Variants in STRBP observed in about 807,000 individuals in gnomAD.
STRBP encodes the protein spermatid perinuclear RNA binding protein.
A neutral mutation model predicts 80.1 loss-of-function variants in STRBP; 13 were observed. The observed-to-expected ratio is 0.16, with a 90% CI of 0.11 to 0.26. The LOEUF (loss-of-function observed/expected upper bound fraction) is 0.26, where lower values mean the gene tolerates loss of function less well. Among genes scored for constraint, STRBP ranks in the 10% least tolerant of loss-of-function variants. The probability of loss-of-function intolerance (pLI) is 1.00; values close to 1 mark genes in which losing one functional copy is unlikely to be tolerated. For missense variants in STRBP, 485 were observed against 815.2 expected, an observed-to-expected ratio of 0.59 and a Z score of 4.93; for synonymous variants, 284 against 291.2, an observed-to-expected ratio of 0.98 and a Z score of 0.25.
At chr9:123,237,181 C>T (rs1420317918) in intron 1 of STRBP, among the ~76,000 whole-genome samples, 2 of 152,170 alleles carry the variant, frequency 1.3e-5, no homozygotes, top group Admixed American at 6.5e-5. Flanking sequence ...TGTAATAATA[C>T]TTTGCAAACC....
chr9:123,111,636 C>T (rs1041465725), intron 3 of STRBP: 24 of 477,270 alleles, frequency 5.0e-5, no homozygotes, highest in African/African-American at 9.8e-5. Context: ...AGCCACAGCA[C>T]GTGACTTGCT....
In STRBP at chr9:123,136,756, C is replaced by A. The variant is rs1724521237; in HGVS notation, c.1498-241G>T. On this transcript the variant is annotated intron_variant, in intron 14 of 18. Coordinates refer to ENST00000348403, the MANE Select transcript of STRBP (RefSeq NM_018387.5). The surrounding 1 kb of genome is among the most constrained non-coding windows in gnomAD (Gnocchi z 4.2). ...CTTCGAAGCAGTATTCAAGACCAAT[C>A]AATGCAACCTCACCACTGTGGGCCA... 6.6e-6 allele frequency among the ~76,000 whole-genome samples: 1 copy of A among 152,162 alleles called. No homozygotes were observed. Among genetic ancestry groups the A allele is most frequent in the Non-Finnish European group, 1.5e-5 (1 of 68,036 alleles).
intron 1 of STRBP, among the ~76,000 whole-genome samples, chr9:123,248,129 TTTCTA>T (rs2040835663): frequency 6.6e-6 from 1 of 152,180 alleles, no homozygotes; most frequent in African/African-American, 2.4e-5. Flanking sequence ...TATCTGAGTA[TTTCTA>T]TTCTATTCTA....
intron 1 of STRBP, among the ~76,000 whole-genome samples, chr9:123,264,814 C>G (rs898395916): frequency 6.6e-6 from 1 of 152,064 alleles, no homozygotes; most frequent in South Asian, 2.1e-4. Context: ...ACATATAATC[C>G]GAACACTATA....
chr9:123,119,434 C>T (rs1023607637), downstream of STRBP, among the ~76,000 whole-genome samples: 1 of 136,040 alleles, frequency 7.4e-6, no homozygotes, highest in Non-Finnish European at 1.5e-5. Context: ...TGGCAGCAGA[C>T]TGGCTGGTAA....
At chr9:123,166,299 A>G (rs1469986302) in intron 6 of STRBP, among the ~76,000 whole-genome samples, 3 of 152,332 alleles carry the variant, frequency 2.0e-5, no homozygotes, top group Non-Finnish European at 2.9e-5. Flanking sequence ...GGTGCATTCA[A>G]TAAGTTGACT....
chr9:123,268,263 G>A (rs1479819581), intron 1 of STRBP, among the ~76,000 whole-genome samples, 173 bp downstream of exon 1: 5 of 151,022 alleles, frequency 3.3e-5, no homozygotes, highest in Non-Finnish European at 5.9e-5. Flanking sequence ...CGCGGGGCCG[G>A]GATTGCTCCC....
chr9:123,209,338 TC>T (rs2039630482), intron 2 of STRBP, among the ~76,000 whole-genome samples: 1 of 152,180 alleles, frequency 6.6e-6, no homozygotes, highest in African/African-American at 2.4e-5. Flanking sequence ...TTACTAAGCA[TC>T]TACAAATACC....
chr9:123,182,216 TTAAAAAAAAAAAAA>T (rs2038501171), intron 3 of STRBP, among the ~76,000 whole-genome samples: 1 of 94,564 alleles, frequency 1.1e-5, no homozygotes, highest in African/African-American at 4.4e-5. Flanking sequence ...CTCCGTTTCT[TTAAAAAAAAAAAAA>T]AAAAAAAAAA....
intron 1 of STRBP, among the ~76,000 whole-genome samples, chr9:123,267,983 C>A (rs2041312278): frequency 6.6e-6 from 1 of 151,656 alleles, no homozygotes; most frequent in Non-Finnish European, 1.5e-5. Context: ...CCCTCTGCAC[C>A]CCTATTTACC....
rs16926195 is a variant in STRBP at position 123,133,206 on chromosome 9, T to C, written c.1774-238A>G. ...TTGCTTGAGGGTTATCCAGAAAGAG[T>C]TCATTTTCTACACCAAATTTCAGTA... On this transcript the variant is annotated intron_variant, in intron 16 of 18. Transcript: ENST00000348403. 8.4e-4 allele frequency among the ~76,000 whole-genome samples: 128 copies of C among 152,182 alleles called. No individual in the cohort carries two copies. The East Asian group carries it at 0.018, about 22-fold the overall frequency.
intron 2 of STRBP, among the ~76,000 whole-genome samples, chr9:123,224,983 G>T (rs1029498055): frequency 4.6e-5 from 7 of 152,278 alleles, no homozygotes; most frequent in Admixed American, 4.6e-4. Context: ...TAGTACAATG[G>T]ATAGTGTTAT....
intron 6 of STRBP, among the ~76,000 whole-genome samples, chr9:123,166,026 T>G (rs976179102): frequency 3.3e-5 from 5 of 152,224 alleles, no homozygotes; most frequent in Non-Finnish European, 7.3e-5. Context: ...GTTAATTCAC[T>G]TAACAGATTT....
chr9:123,204,459 C>T (rs1259904794), intron 2 of STRBP, among the ~76,000 whole-genome samples: 2 of 152,104 alleles, frequency 1.3e-5, no homozygotes, highest in African/African-American at 2.4e-5. Flanking sequence ...CTTTAAACCA[C>T]GATCAAACAT....
Position 123,241,623 on chromosome 9 carries a change from GA to G in STRBP, c.-301-4658del, listed in dbSNP as rs893295928. On this transcript the variant is annotated intron_variant, in intron 1 of 18. Transcript: ENST00000348403. ...ATAATCATCCAACCAAGTTTTAAAA[GA>G]AAAAAAAAAATCTAGGCATTATCTT... 3.4e-3 allele frequency among the ~76,000 whole-genome samples: 488 copies of G among 144,252 alleles called. 4 individuals are homozygous for G. Among genetic ancestry groups the G allele is most frequent in the African/African-American group, 0.011 (454 of 39,486 alleles). The allele number at this position is 144,252 out of a possible 152,430, so 94.6% of individuals were successfully genotyped here.
Position 123,115,622 on chromosome 9 carries a change from A to G in STRBP, c.*84+307T>C. ...GGTAAGAAGCAGTAGGTGACAGTGA[A>G]TGGTTTTTCTCAATAAATCTACGTG... On this transcript the variant is annotated intron_variant and NMD_transcript_variant, in intron 3 of 3. Coordinates refer to the STRBP transcript ENST00000471564. The surrounding 1 kb of genome is among the most constrained non-coding windows in gnomAD (Gnocchi z 5.0). 2 of 340,814 alleles carry G rather than the reference A, an allele frequency of 5.9e-6. No homozygotes were observed. Among genetic ancestry groups the G allele is most frequent in the Non-Finnish European group, 1.2e-5 (2 of 172,764 alleles). The allele number at this position is 340,814 out of a possible 1,614,324, so 21.1% of individuals were successfully genotyped here.
At chr9:123,227,904 C>G (rs1402161492) in intron 2 of STRBP, among the ~76,000 whole-genome samples, 1 of 152,138 alleles carries the variant, frequency 6.6e-6, no homozygotes, top group Non-Finnish European at 1.5e-5. Context: ...CTGTGTTGAG[C>G]TAGACTGTTG....
intron 13 of STRBP, among the ~76,000 whole-genome samples, chr9:123,142,095 T>C (rs1019554411): frequency 7.9e-5 from 12 of 152,188 alleles, no homozygotes; most frequent in Admixed American, 4.6e-4. Flanking sequence ...TGTGATCAAA[T>C]TTCCTCATCC....
rs548972115 is a variant in STRBP, at chr9:123,169,909, C to T, written c.528G>A (p.Lys176=). The change falls in exon 6 of 19, where the codon AAG becomes AAA. Residue 176 remains lysine (K), a synonymous_variant. Transcript: ENST00000348403. ...SPLIRDELEK[K]DGENVSMKDP... is the part of the protein sequence containing the mutation. ...ATATATATACATGTGTACCTCCATC[C>T]TTCTTCTCCAATTCGTCCCTAATTA... 6.5e-7 allele frequency: 1 copy of T among 1,542,704 alleles called. No homozygotes were observed. Among genetic ancestry groups the T allele is most frequent in the African/African-American group, 1.4e-5 (1 of 72,540 alleles).
Sources: allele counts gnomAD v4.1 joint callset (sites outside exome capture counted in the v4.1 genomes callset), GRCh38; gene constraint gnomAD v4.1.1; non-coding constraint Gnocchi (gnomAD v3.1); transcripts MANE v1.5; gene names NCBI Gene and HGNC (gene_info 2026-07-23, HGNC 2026-07-21).